SHROOM2: variants seen among roughly 807,000 people sequenced by gnomAD.
SHROOM2 encodes the protein shroom family member 2, also known as protein Shroom2.
A neutral mutation model predicts 75.9 loss-of-function variants in SHROOM2; 33 were observed. The ratio of observed to expected loss-of-function variants is 0.43; its 90% CI spans 0.33 to 0.58. The LOEUF is 0.58. SHROOM2 is among the 20% of genes least tolerant of loss of function. SHROOM2 has a pLI of 0.04. For synonymous variants in SHROOM2, 655 were observed against 663.6 expected, an observed-to-expected ratio of 0.99 and a Z score of 0.20; for missense variants, 1,434 against 1,461.2, an observed-to-expected ratio of 0.98 and a Z score of 0.30.
At chrX:9,889,199 A>T (rs2084276938) in intron 2 of SHROOM2, among the ~76,000 whole-genome samples, 1 of 112,060 alleles carries the variant, frequency 8.9e-6, no homozygotes, top group African/African-American at 3.2e-5. Flanking sequence ...TTCCTGGGAA[A>T]CTGTCATAAA....
intron 5 of SHROOM2, among the ~76,000 whole-genome samples, chrX:9,916,112 T>A (rs2084488627): frequency 8.9e-6 from 1 of 112,187 alleles, no homozygotes; most frequent in African/African-American, 3.2e-5. Context: ...AAAATCAATT[T>A]TGCTAATTAA....
At chrX:9,807,606 C>A (rs958149085) in intron 1 of SHROOM2, among the ~76,000 whole-genome samples, 1 of 112,502 alleles carries the variant, frequency 8.9e-6, no homozygotes, top group Non-Finnish European at 1.9e-5. Context: ...GGACTGCATG[C>A]TGCCTGCTGG....
chrX:9,837,015 G>A (rs1209433364), intron 1 of SHROOM2, among the ~76,000 whole-genome samples: 4 of 112,132 alleles, frequency 3.6e-5, no homozygotes, highest in African/African-American at 9.7e-5. Flanking sequence ...TCATATTTTC[G>A]GGATTGATCC....
rs2084720561 is a variant in SHROOM2 at position 9,937,275 on chromosome X, G to C, written c.3729G>C (p.Glu1243Asp). The change falls in exon 7 of 10, where the codon GAG becomes GAC. Residue 1243 changes from glutamate (E) to aspartate (D), a missense_variant. Physicochemically the swap from Glu to Asp is conservative, Grantham distance 45 (BLOSUM62 2). Coordinates refer to ENST00000380913, the MANE Select transcript of SHROOM2 (RefSeq NM_001649.4). The part of the protein sequence containing the change: ...AEPPALPHGL[E>D]KDQIKTLSTS... ...CACCTGCCCTGCCCCACGGGCTGGA[G>C]AAAGACCAGATCAAGACGCTGAGCA... is the stretch of plus-strand genomic sequence containing the variant. 1 of 1,209,300 alleles carries C rather than the reference G, an allele frequency of 8.3e-7. No homozygotes were observed. The highest frequency in any genetic ancestry group is 1.8e-5 in the South Asian group (1 of 56,535).
chrX:9,811,396 G>A (rs1164201163), intron 1 of SHROOM2, among the ~76,000 whole-genome samples: 1 of 111,864 alleles, frequency 8.9e-6, no homozygotes, highest in African/African-American at 3.3e-5. Flanking sequence ...CCACAGAAAG[G>A]GTCATCCTAT....
Position 9,895,458 on chromosome X carries a change from G to T in SHROOM2, c.1550G>T (p.Arg517Leu). Reference sequence around the variant, plus strand: ...CCACCCACGGTGGGCCAGAGCCCACGCCATCACCTACCTCAGCCTGAGGGT... The same window carrying T: ...CCACCCACGGTGGGCCAGAGCCCACTCCATCACCTACCTCAGCCTGAGGGT... ...LPPPTVGQSP[R>L]HHLPQPEGPP... The change falls in exon 4 of 10, where the codon CGC becomes CTC. Residue 517 changes from arginine to leucine, a missense_variant. By Grantham distance (102) the Arg-to-Leu change is moderately radical. Coordinates refer to ENST00000380913, the MANE Select transcript of SHROOM2 (RefSeq NM_001649.4). 1 of 1,209,527 alleles carries T rather than the reference G, an allele frequency of 8.3e-7. No homozygotes were observed. The highest frequency in any genetic ancestry group is 1.1e-6 in the Non-Finnish European group (1 of 894,749).
intron 1 of SHROOM2, among the ~76,000 whole-genome samples, chrX:9,837,961 C>T (rs940890608): frequency 9.1e-6 from 1 of 110,420 alleles, no homozygotes; most frequent in Non-Finnish European, 1.9e-5. Flanking sequence ...GTCAGCAGAA[C>T]AGCTGGAATT....
At chrX:9,841,320 T>G (rs943846368) in intron 1 of SHROOM2, among the ~76,000 whole-genome samples, 2 of 111,972 alleles carry the variant, frequency 1.8e-5, no homozygotes, top group African/African-American at 6.5e-5. Flanking sequence ...TAAAATAATA[T>G]GTATGTGAGG....
At chrX:9,886,208 C>T (rs931317302) in intron 2 of SHROOM2, among the ~76,000 whole-genome samples, 17 of 112,408 alleles carry the variant, frequency 1.5e-4, no homozygotes, top group Non-Finnish European at 3.2e-4. Context: ...TGCCTGCCTC[C>T]GACAACTCCC....
At chrX:9,907,662 C>T (rs757275731) in intron 5 of SHROOM2, among the ~76,000 whole-genome samples, 2 of 111,705 alleles carry the variant, frequency 1.8e-5, no homozygotes, top group South Asian at 7.5e-4. Context: ...TCACTGGTTT[C>T]GAGTTCTAGG....
chrX:9,833,608 CTGTG>C (rs144161839), intron 1 of SHROOM2, among the ~76,000 whole-genome samples: 2,140 of 95,265 alleles, frequency 0.022, 15 homozygotes, highest in Middle Eastern at 0.081. Flanking sequence ...CAAGTAGACT[CTGTG>C]TGTGTGTGTG....
intron 5 of SHROOM2, among the ~76,000 whole-genome samples, chrX:9,911,428 T>A (rs1212644392): frequency 4.5e-5 from 5 of 112,135 alleles, no homozygotes; most frequent in Non-Finnish European, 9.4e-5. Flanking sequence ...TTTGGAGAAA[T>A]GAGCAAGAGT....
rs1330504746 is a variant in SHROOM2 at position 9,946,904 on chromosome X, A to G, written c.4818A>G (p.Leu1606=). Residue 1606 remains leucine, a synonymous_variant, in exon 10 of 10, where the codon TTA becomes TTG. Coordinates refer to ENST00000380913, the MANE Select transcript of SHROOM2 (RefSeq NM_001649.4). ...TTGGTGAAGAGCAGCTGAAGTGCTT[A>G]TTGGACAGCCTTCAGCCCGAAAGGG... ...IHLGEEQLKC[L]LDSLQPERGK is the part of the protein sequence containing the mutation. 4 of 1,196,361 alleles carry G rather than the reference A, an allele frequency of 3.3e-6. No individual in the cohort carries two copies. The highest frequency in any genetic ancestry group is 3.4e-6 in the Non-Finnish European group (3 of 887,871).
At chrX:9,822,331 G>T (rs996873918) in intron 1 of SHROOM2, among the ~76,000 whole-genome samples, 60 of 111,854 alleles carry the variant, frequency 5.4e-4, no homozygotes, top group African/African-American at 1.9e-3. Context: ...TGGGGGAGGT[G>T]GGCAGGAGCC....
chrX:9,836,310 G>A (rs1266279287), intron 1 of SHROOM2, among the ~76,000 whole-genome samples: 1 of 111,845 alleles, frequency 8.9e-6, no homozygotes, highest in Non-Finnish European at 1.9e-5. Context: ...ATAGTGTCTG[G>A]AGTCTGCAGG....
At chrX:9,867,365 C>T (rs1005471163) in intron 1 of SHROOM2, among the ~76,000 whole-genome samples, 3 of 111,201 alleles carry the variant, frequency 2.7e-5, no homozygotes, top group Non-Finnish European at 5.7e-5. Context: ...CGTCATGGGT[C>T]GGGGATGATT....
rs78269215 is a variant in SHROOM2 at position 9,911,248 on chromosome X, G to A, written c.2891+12958G>A. ...GGTCCCCCAAGCTTGCTGACCTCAC[G>A]GCCCTGGATCATGGGGATATGCAGA... On this transcript the variant is annotated intron_variant, in intron 5 of 9. Transcript: ENST00000380913. 1.7e-4 allele frequency among the ~76,000 whole-genome samples: 19 copies of A among 111,576 alleles called. 1 individual carries two copies. The highest frequency in any genetic ancestry group is 2.8e-4 in the Non-Finnish European group (15 of 53,157).
In SHROOM2 at chrX:9,895,903, C is replaced by T. The variant is rs1169940452; in HGVS notation, c.1995C>T (p.Ala665=). 8.4e-6 allele frequency: 10 copies of T among 1,197,327 alleles called. No individual in the cohort carries two copies. The highest frequency in any genetic ancestry group is 1.1e-5 in the Non-Finnish European group (10 of 888,845). ...EAEDGTGRWR[A]GLGGGTQEGP... is the part of the protein sequence containing the mutation. Reference sequence around the variant, plus strand: ...AGGATGGCACCGGCCGCTGGAGGGCCGGGTTGGGAGGTGGCACCCAGGAAG... The same window carrying T: ...AGGATGGCACCGGCCGCTGGAGGGCTGGGTTGGGAGGTGGCACCCAGGAAG... Residue 665 remains alanine, a synonymous_variant, in exon 4 of 10, where the codon GCC becomes GCT. Coordinates refer to ENST00000380913, the MANE Select transcript of SHROOM2 (RefSeq NM_001649.4).
intron 1 of SHROOM2, chrX:9,818,256 T>C (rs1299107924): frequency 4.7e-6 from 1 of 211,285 alleles, no homozygotes; most frequent in Non-Finnish European, 9.5e-6. Flanking sequence ...TCAATATCAA[T>C]GTCATCATCC....
Sources: gnomAD v4.1 joint callset for allele counts (sites outside exome capture counted in the v4.1 genomes callset) on GRCh38, gnomAD v4.1.1 for gene constraint, MANE v1.5 for transcripts, NCBI Gene and HGNC (gene_info 2026-07-23, HGNC 2026-07-21) for gene names.